Variants in AGO1 observed in about 807,000 individuals in gnomAD.
The protein encoded by AGO1 is protein argonaute-1.
In AGO1, 11 loss-of-function variants were observed where a neutral mutation model predicts 109.2. The ratio of observed to expected loss-of-function variants is 0.10; its 90% confidence interval spans 0.06 to 0.17. The LOEUF is 0.17. Among genes scored for constraint, AGO1 ranks in the 10% least tolerant of loss-of-function variants. AGO1 has a pLI of 1.00. For synonymous variants in AGO1, 422 were observed against 418.6 expected (o/e 1.01, Z -0.10); for missense variants, 574 against 1,140.3 (o/e 0.50, Z 7.15).
At chr1:35,900,600 G>A (rs779893720) in intron 8 of AGO1, among the ~76,000 whole-genome samples, 6 of 152,174 alleles carry the variant, frequency 3.9e-5, no homozygotes, top group Non-Finnish European at 8.8e-5. Flanking sequence ...GGTAGCACAT[G>A]ACTGTAATCC....
chr1:35,881,064 G>T (rs1645031070), upstream of AGO1, among the ~76,000 whole-genome samples: 1 of 152,216 alleles, frequency 6.6e-6, no homozygotes, highest in South Asian at 2.1e-4. Context: ...GAGACACGGA[G>T]AAGTTAAATA....
Position 35,926,970 on chromosome 1 carries a change from A to T in AGO1, c.*7363A>T. ...TTTTTTTTTTTTTTTTTTTGGACAA[A>T]GTATAATAATATTGAGGGACCTTTC... On this transcript the variant is annotated 3_prime_UTR_variant, in exon 19 of 19. Transcript: ENST00000373204. 6.8e-6 allele frequency: 1 copy of T among 146,704 alleles called. No individual in the cohort carries two copies. Among genetic ancestry groups the T allele is most frequent in the Non-Finnish European group, 1.5e-5 (1 of 67,166 alleles). 9.1% of individuals were successfully genotyped at this position (146,704 alleles called of 1,614,324 possible).
Position 35,901,700 on chromosome 1 carries a change from G to A in AGO1, c.1140+107G>A. 1 of 1,553,694 alleles carries A rather than the reference G, an allele frequency of 6.4e-7. No individual in the cohort carries two copies. The highest frequency in any genetic ancestry group is 8.8e-7 in the Non-Finnish European group (1 of 1,141,452). The stretch of plus-strand genomic sequence containing the variant: ...AGGAGAACCCAAGTCTAGATTTGTT[G>A]CCTAGGACTGTATAAGGCTGCTTTT... On this transcript the variant is annotated intron_variant, in intron 9 of 18. Coordinates refer to ENST00000373204, the MANE Select transcript of AGO1 (RefSeq NM_012199.5). The surrounding 1 kb of genome is among the most constrained non-coding windows in gnomAD (Gnocchi z 4.8).
chr1:35,902,895 G>A (rs370291562), intron 11 of AGO1, among the ~76,000 whole-genome samples: 4 of 152,178 alleles, frequency 2.6e-5, no homozygotes, highest in Non-Finnish European at 5.9e-5. Flanking sequence ...CTGTGCCACC[G>A]TAGCTGGGAG....
chr1:35,911,983 C>T (rs1645640796), intron 12 of AGO1, among the ~76,000 whole-genome samples: 1 of 152,162 alleles, frequency 6.6e-6, no homozygotes, highest in Admixed American at 6.5e-5. Context: ...TCTTCTTGTT[C>T]TGCCAATACT....
intron 11 of AGO1, among the ~76,000 whole-genome samples, chr1:35,904,357 G>A (rs564577950): frequency 6.6e-6 from 1 of 152,076 alleles, no homozygotes; most frequent in South Asian, 2.1e-4. Flanking sequence ...CACCCGCCTC[G>A]GCCTTCCAAA....
rs752028013 is a variant in AGO1, at chr1:35,901,986, G to A, written c.1179G>A (p.Gln393=). 3 of 1,610,116 alleles carry A rather than the reference G, an allele frequency of 1.9e-6. No individual in the cohort carries two copies. Among genetic ancestry groups the A allele is most frequent in the South Asian group, 1.1e-5 (1 of 90,652 alleles). ...GCTACAACTTAGATCCCTACATCCA[G>A]GAATTTGGGATCAAAGTGAAGGATG... ...NASYNLDPYI[Q]EFGIKVKDDM... Residue 393 remains glutamine, a synonymous_variant, in exon 10 of 19, where the codon CAG becomes CAA. Coordinates refer to ENST00000373204, the MANE Select transcript of AGO1 (RefSeq NM_012199.5). The surrounding 1 kb of genome is among the most constrained non-coding windows in gnomAD (Gnocchi z 4.8).
intron 8 of AGO1, among the ~76,000 whole-genome samples, chr1:35,895,637 A>T (rs533788312): frequency 6.6e-6 from 1 of 152,300 alleles, no homozygotes; most frequent in Admixed American, 6.5e-5. Flanking sequence ...ATTCTTCACA[A>T]ACTGGTGATA....
At position 35,876,508 on chromosome 1, in the gene AGO1, C is replaced by T. The variant is rs896973302; in HGVS notation, c.-201+6605C>T. ...GTCTTGATCTCCAGACTTCGTGATC[C>T]GCCCACCTCGGCCTCCCAAAGTGCT... On this transcript the variant is annotated intron_variant, in intron 1 of 18. Coordinates refer to the AGO1 transcript ENST00000373206. Among the ~76,000 whole-genome samples, 179 of 151,996 alleles carry T rather than the reference C, an allele frequency of 1.2e-3. 2 individuals carry two copies. The highest frequency in any genetic ancestry group is 4.0e-3 in the African/African-American group (167 of 41,382).
At chr1:35,904,015 G>A (rs1026805067) in intron 11 of AGO1, among the ~76,000 whole-genome samples, 9 of 150,634 alleles carry the variant, frequency 6.0e-5, no homozygotes, top group African/African-American at 2.0e-4. Context: ...TATGGGACCT[G>A]CCCTTGCTCT....
chr1:35,914,107 G>A, intron 13 of AGO1, 77 bp from the exon 14 acceptor site: 1 of 1,592,754 alleles, frequency 6.3e-7, no homozygotes, highest in Non-Finnish European at 8.6e-7. Context: ...AGGGGGAGAA[G>A]AGCAGAGTGG....
chr1:35,877,520 C>T (rs1486938854), intron 1 of AGO1, among the ~76,000 whole-genome samples: 1 of 152,124 alleles, frequency 6.6e-6, no homozygotes, highest in African/African-American at 2.4e-5. Flanking sequence ...TCCCATGTCG[C>T]CCATGTGCCT....
Position 35,895,262 on chromosome 1 carries a change from C to T in AGO1, c.1013C>T (p.Pro338Leu). Reference sequence around the variant, plus strand: ...CAGGAACAAAAGCATACCTACCTTCCCCTAGAGGTGAGATTGCCAAGTAAT... The same window carrying T: ...CAGGAACAAAAGCATACCTACCTTCTCCTAGAGGTGAGATTGCCAAGTAAT... ...VGQEQKHTYL[P>L]LEVCNIVAGQ... The change falls in exon 8 of 19, where the codon CCC becomes CTC. Residue 338 changes from proline to leucine, a missense_variant. Physicochemically the swap from Pro to Leu is moderately conservative, Grantham distance 98. Around this residue, in one of 8 missense-constraint regions of AGO1, gnomAD observed 42 missense variants for 142.4 expected, o/e 0.29. Coordinates refer to ENST00000373204, the MANE Select transcript of AGO1 (RefSeq NM_012199.5). 6.2e-7 allele frequency: 1 copy of T among 1,612,728 alleles called. No individual in the cohort carries two copies. Among genetic ancestry groups the T allele is most frequent in the South Asian group, 1.1e-5 (1 of 90,942 alleles).
intron 8 of AGO1, among the ~76,000 whole-genome samples, chr1:35,900,412 A>T (rs1258034478): frequency 6.6e-6 from 1 of 152,204 alleles, no homozygotes; most frequent in Non-Finnish European, 1.5e-5. Flanking sequence ...GGCAACTCTT[A>T]GATTGTTACT....
intron 1 of AGO1, chr1:35,873,167 C>T (rs1644966954): frequency 6.6e-6 from 1 of 152,004 alleles, no homozygotes; most frequent in African/African-American, 2.4e-5. Context: ...CACTTTAGCT[C>T]TGATCACCCC....
At chr1:35,909,705 G>A (rs1056566713) in intron 12 of AGO1, among the ~76,000 whole-genome samples, 2 of 152,166 alleles carry the variant, frequency 1.3e-5, no homozygotes, top group African/African-American at 4.8e-5. Context: ...TTGTTGTGGA[G>A]TGGATCTGAT....
chr1:35,882,889 C>T, upstream of AGO1: 3 of 985,386 alleles, frequency 3.0e-6, no homozygotes, highest in Non-Finnish European at 2.4e-6. This position sits in a 1 kb window ranked among gnomAD's most constrained non-coding sequence, Gnocchi z 5.1. Flanking sequence ...AGTGGGGTTC[C>T]CATAATGTGT....
rs569511714 is a variant in AGO1, at chr1:35,870,513, G to A, written c.-201+610G>A. Among the ~76,000 whole-genome samples the A allele has an allele frequency of 8.5e-5, 13 of 152,126 alleles. No individual in the cohort carries two copies. The South Asian group carries it at 2.7e-3, about 32-fold the overall frequency. ...TTAGCCAGGATGGTCTCGATCTCTT[G>A]ACCTCGTGATCTGCACGCCTCGCCT... On this transcript the variant is annotated intron_variant, in intron 1 of 18. Transcript: ENST00000373206.
At chr1:35,907,211 T>C in intron 12 of AGO1, 92 bp downstream of exon 12, 1 of 1,259,134 alleles carries the variant, frequency 7.9e-7, no homozygotes. Context: ...TCTGGATTCT[T>C]GGCTTTGACC....
Sources: gnomAD v4.1 joint callset for allele counts (sites outside exome capture counted in the v4.1 genomes callset) on GRCh38, gnomAD v4.1.1 for gene constraint, gnomAD v4.1.1 regional missense constraint, Gnocchi (gnomAD v3.1) non-coding constraint, MANE v1.5 for transcripts, NCBI Gene and HGNC (gene_info 2026-07-23, HGNC 2026-07-21) for gene names.